The following RAB3GAP2 variants were observed in gnomAD, a reference collection of about 807,000 sequenced individuals.
RAB3GAP2 encodes RAB3 GTPase activating non-catalytic protein subunit 2.
A neutral mutation model predicts 185.3 loss-of-function variants in RAB3GAP2; 87 were observed. The ratio of observed to expected loss-of-function variants is 0.47; its 90% CI spans 0.39 to 0.56. RAB3GAP2 has a LOEUF of 0.56. Among genes scored for constraint, RAB3GAP2 ranks in the 20% least tolerant of loss-of-function variants. The probability of loss-of-function intolerance (pLI) is 0.00; values close to 1 mark genes in which losing one functional copy is unlikely to be tolerated. For synonymous variants in RAB3GAP2, 554 were observed against 576.1 expected (o/e 0.96, Z 0.55); for missense variants, 1,492 against 1,638.2 (o/e 0.91, Z 1.54).
intron 1 of RAB3GAP2, among the ~76,000 whole-genome samples, chr1:220,235,325 T>C (rs548754690): frequency 1.3e-5 from 2 of 152,340 alleles, no homozygotes; most frequent in Non-Finnish European, 2.9e-5. Flanking sequence ...CCAGAAACAA[T>C]TGTCTTATTG....
chr1:220,231,025 C>T (rs112814215), intron 2 of RAB3GAP2, among the ~76,000 whole-genome samples: 33 of 152,316 alleles, frequency 2.2e-4, no homozygotes, highest in African/African-American at 7.7e-4. Context: ...ATTGGTCTTC[C>T]TGCTTCTACT....
rs145575293 is a variant in RAB3GAP2, at chr1:220,235,885, G to C, written c.116-3022C>G. Among the ~76,000 whole-genome samples, 409 of 152,244 alleles carry C rather than the reference G, an allele frequency of 2.7e-3. 2 individuals are homozygous for C. The highest frequency in any genetic ancestry group is 9.5e-3 in the African/African-American group (393 of 41,540). ...ATACAAGATATTTAGGTTTATGAAG[G>C]TTTACCCATTCTCAATGCCCCTGAC... On this transcript the variant is annotated intron_variant, in intron 1 of 34. Transcript: ENST00000358951.
chr1:220,197,089 C>T (rs1053620259), intron 9 of RAB3GAP2, among the ~76,000 whole-genome samples: 2 of 151,614 alleles, frequency 1.3e-5, no homozygotes, highest in Non-Finnish European at 2.9e-5. Context: ...CAGGTTCAAG[C>T]GATTCTCTTG....
intron 2 of RAB3GAP2, among the ~76,000 whole-genome samples, chr1:220,232,498 TG>T (rs1659519746): frequency 6.6e-6 from 1 of 152,354 alleles, no homozygotes; most frequent in African/African-American, 2.4e-5. Context: ...TGCCAGATGC[TG>T]GCCCCTGATC....
intron 1 of RAB3GAP2, among the ~76,000 whole-genome samples, chr1:220,270,651 C>T (rs935335696): frequency 1.3e-5 from 2 of 152,148 alleles, no homozygotes; most frequent in Non-Finnish European, 2.9e-5. Context: ...CATCTTCATC[C>T]TACTAAGGTT....
chr1:220,189,985 T>G lies in RAB3GAP2; in HGVS notation c.1714+79A>C. ...TAAGCTCATCCATGCATTATTTTGATTGCTCCATTCAGAATATTTTATTGA... is the reference window on the plus strand; with the variant it reads ...TAAGCTCATCCATGCATTATTTTGAGTGCTCCATTCAGAATATTTTATTGA... On this transcript the variant is annotated intron_variant, in intron 16 of 34. Transcript: ENST00000358951. 4 of 1,261,694 alleles carry G rather than the reference T, an allele frequency of 3.2e-6. No homozygotes were observed. The South Asian group carries it at 4.9e-5, about 15-fold the overall frequency. The allele number at this position is 1,261,694 out of a possible 1,614,324, so 78.2% of individuals were successfully genotyped here. A position where few individuals can be genotyped will look rare whatever the true frequency, so the allele number is the denominator to read the frequency against.
At chr1:220,175,998 C>T (rs971223566) in intron 21 of RAB3GAP2, among the ~76,000 whole-genome samples, 2 of 151,656 alleles carry the variant, frequency 1.3e-5, no homozygotes, top group Non-Finnish European at 2.9e-5. Flanking sequence ...CACTTATAAG[C>T]AATATAGATA....
At position 220,162,182 on chromosome 1, in the gene RAB3GAP2, C is replaced by A. The variant is rs1032499558; in HGVS notation, c.3225+16G>T. 6.6e-6 allele frequency: 10 copies of A among 1,515,040 alleles called. No homozygotes were observed. The highest frequency in any genetic ancestry group is 1.4e-5 in the African/African-American group (1 of 72,610). The allele number at this position is 1,515,040 out of a possible 1,614,324, so 93.8% of individuals were successfully genotyped here. ...GAATCAAATAAATAAGAAGTCAATA[C>A]ATGAAACTACCTTACCTTATCCATT... is the stretch of plus-strand genomic sequence containing the variant. On this transcript the variant is annotated intron_variant, in intron 28 of 34. Transcript: ENST00000358951.
intron 2 of RAB3GAP2, among the ~76,000 whole-genome samples, chr1:220,224,163 A>G (rs1199440827): frequency 1.3e-5 from 2 of 152,190 alleles, no homozygotes; most frequent in Admixed American, 1.3e-4. Flanking sequence ...TGAGTTTGGT[A>G]TTGTTATCAA....
chr1:220,153,252 T>A lies in RAB3GAP2; in HGVS notation c.3800A>T (p.Glu1267Val). The A allele has an allele frequency of 1.2e-6, 2 of 1,614,180 alleles. No individual in the cohort carries two copies. Among genetic ancestry groups the A allele is most frequent in the Non-Finnish European group, 1.7e-6 (2 of 1,180,008 alleles). ...VDLAHHLQVS[E>V]DVVRRHYVGE... Reference sequence around the variant, plus strand: ...CACATAATGCCTTCTAACAACATCTTCACTAACTTGAAGGTGATGGGCTAA... The same window carrying A: ...CACATAATGCCTTCTAACAACATCTACACTAACTTGAAGGTGATGGGCTAA... The change falls in exon 33 of 35, where the codon GAA becomes GTA. Residue 1267 changes from glutamate to valine, a missense_variant. Transcript: ENST00000358951.
chr1:220,172,852 G>A, intron 21 of RAB3GAP2, 110 bp from the exon 22 acceptor site: 1 of 731,306 alleles, frequency 1.4e-6, no homozygotes, highest in South Asian at 1.6e-5. Context: ...AGCTTCTTGA[G>A]GTGAAAAAAT....
intron 26 of RAB3GAP2, 71 bp from the exon 27 acceptor site, chr1:220,164,870 G>C (rs1658036326): frequency 6.3e-6 from 9 of 1,417,732 alleles, no homozygotes; most frequent in Non-Finnish European, 8.8e-6. Flanking sequence ...ATTATCAATG[G>C]AGACTTCTTA....
chr1:220,262,306 AAAACAAAC>A (rs372184937), intron 1 of RAB3GAP2, among the ~76,000 whole-genome samples: 90 of 151,962 alleles, frequency 5.9e-4, no homozygotes, highest in African/African-American at 2.1e-3. Flanking sequence ...GTCTCAAGAA[AAAACAAAC>A]AAACAAACAA....
At chr1:220,157,235 T>A in intron 31 of RAB3GAP2, 35 bp downstream of exon 31, 1 of 1,569,724 alleles carries the variant, frequency 6.4e-7, no homozygotes, top group Non-Finnish European at 8.8e-7. Context: ...AGCCTGCAAC[T>A]CCAAAATAGC....
intron 1 of RAB3GAP2, chr1:220,266,371 A>C (rs1660226354): frequency 2.4e-6 from 1 of 413,644 alleles, no homozygotes; most frequent in African/African-American, 2.0e-5. Context: ...CAAAGTGGTC[A>C]CTTTCCCCAT....
chr1:220,151,384 G>C lies in RAB3GAP2; in HGVS notation c.4049C>G (p.Thr1350Ser), dbSNP rs1419891286. Reference protein sequence around the residue: ...KAMDPQDLQNTEVPIATTAKL... With the variant: ...KAMDPQDLQNSEVPIATTAKL... ...AGCTGTTGTTGCAATTGGCACTTCA[G>C]TGTTTTGAAGGTCCTGGGGGTCCTG... Residue 1350 changes from threonine (T) to serine (S), a missense_variant, in exon 35 of 35, where the codon ACT becomes AGT. Physicochemically the swap from Thr to Ser is moderately conservative, Grantham distance 58. This residue lies in a region of RAB3GAP2 where 387 missense variants were observed against 455.3 expected (regional missense o/e 0.85). Transcript: ENST00000358951. 6.2e-7 allele frequency: 1 copy of C among 1,614,068 alleles called. No individual in the cohort carries two copies. Among genetic ancestry groups the C allele is most frequent in the Non-Finnish European group, 8.5e-7 (1 of 1,180,030 alleles).
In RAB3GAP2 at chr1:220,254,549, T is replaced by C. The variant is rs1558172351; in HGVS notation, c.115+17674A>G. On this transcript the variant is annotated intron_variant, in intron 1 of 34. Transcript: ENST00000358951. Reference sequence around the variant, plus strand: ...CATCGGAAAGCTGTGTGAGAGGCACTCTCACTCACTTATGTTTGGATCTCC... The same window carrying C: ...CATCGGAAAGCTGTGTGAGAGGCACCCTCACTCACTTATGTTTGGATCTCC... 3 of 1,603,792 alleles carry C rather than the reference T, an allele frequency of 1.9e-6. No individual in the cohort carries two copies. In the Admixed American group the frequency reaches 5.0e-5, roughly 27 times the overall value.
rs1658876439 is a variant in RAB3GAP2, at chr1:220,202,271, C to G, written c.811+5G>C. 7.4e-6 allele frequency: 12 copies of G among 1,612,368 alleles called. No individual in the cohort carries two copies. Among genetic ancestry groups the G allele is most frequent in the Non-Finnish European group, 1.0e-5 (12 of 1,179,400 alleles). ...TCCAAGAGAATTTGAATTAGTAATA[C>G]TTACCAACACTAGCATGATCAATAA... On this transcript the variant is annotated splice_donor_5th_base_variant and intron_variant, in intron 9 of 34. Coordinates refer to ENST00000358951, the MANE Select transcript of RAB3GAP2 (RefSeq NM_012414.4).
At chr1:220,224,005 CAAA>C (rs1170784100) in intron 2 of RAB3GAP2, among the ~76,000 whole-genome samples, 55 of 90,156 alleles carry the variant, frequency 6.1e-4, no homozygotes, top group African/African-American at 2.1e-3. Flanking sequence ...GACCCTATCT[CAAA>C]AAAAAAAAAA....
Sources: allele counts gnomAD v4.1 joint callset (sites outside exome capture counted in the v4.1 genomes callset), GRCh38; gene constraint gnomAD v4.1.1; regional missense constraint gnomAD v4.1.1; transcripts MANE v1.5; gene names NCBI Gene and HGNC (gene_info 2026-07-23, HGNC 2026-07-21).